The following ARFGEF3 variants were observed in gnomAD, a reference collection of about 807,000 sequenced individuals.
ARFGEF3 encodes the protein ARFGEF family member 3, also known as brefeldin A-inhibited guanine nucleotide-exchange protein 3.
A neutral mutation model predicts 221.7 loss-of-function variants in ARFGEF3; 96 were observed. The observed-to-expected ratio is 0.43, with a 90% CI of 0.37 to 0.51. ARFGEF3 has a LOEUF of 0.51. Ranked by LOEUF, ARFGEF3 falls within the 20% of genes least tolerant of loss-of-function variation. ARFGEF3 has a pLI of 0.00. For synonymous variants in ARFGEF3, 1,145 were observed against 1,126.8 expected (o/e 1.02, Z -0.32); for missense variants, 2,410 against 2,789.9 (o/e 0.86, Z 3.07).
At chr6:138,204,453 T>C (rs1017336531) in intron 2 of ARFGEF3, among the ~76,000 whole-genome samples, 5 of 151,780 alleles carry the variant, frequency 3.3e-5, no homozygotes, top group African/African-American at 1.2e-4. Flanking sequence ...AGCCTGTAGG[T>C]CAAATCTGGC....
chr6:138,198,019 TTA>T (rs1777463455), intron 2 of ARFGEF3, among the ~76,000 whole-genome samples: 1 of 152,218 alleles, frequency 6.6e-6, no homozygotes, highest in African/African-American at 2.4e-5. Context: ...TGGTGTATAT[TTA>T]TGTTTGTTTT....
chr6:138,305,172 C>T (rs1404162265), intron 22 of ARFGEF3, among the ~76,000 whole-genome samples: 2 of 151,804 alleles, frequency 1.3e-5, no homozygotes, highest in Non-Finnish European at 2.9e-5. Context: ...TACTCAAGCT[C>T]TACCAGAAAA....
At chr6:138,198,548 G>T (rs376904227) in intron 2 of ARFGEF3, among the ~76,000 whole-genome samples, 32 of 152,230 alleles carry the variant, frequency 2.1e-4, no homozygotes, top group African/African-American at 7.5e-4. Context: ...AAATGTAAAG[G>T]ACCCATATTC....
chr6:138,279,936 A>G, intron 13 of ARFGEF3, 63 bp from the exon 14 acceptor site: 5 of 1,532,440 alleles, frequency 3.3e-6, no homozygotes, highest in South Asian at 1.1e-5. Flanking sequence ...CAGCAGAGGC[A>G]CTTAGGAGCC....
chr6:138,257,904 A>T (rs1778715449), intron 10 of ARFGEF3, among the ~76,000 whole-genome samples: 1 of 152,226 alleles, frequency 6.6e-6, no homozygotes, highest in South Asian at 2.1e-4. Flanking sequence ...TGTAAATATC[A>T]AGTGCTAAAC....
intron 31 of ARFGEF3, among the ~76,000 whole-genome samples, chr6:138,325,669 C>T (rs372717841): frequency 1.2e-4 from 19 of 152,314 alleles, no homozygotes; most frequent in African/African-American, 4.6e-4. Context: ...GCAGTTGTTA[C>T]GTCTGGCTAA....
chr6:138,180,510 C>A (rs141429314), intron 2 of ARFGEF3, among the ~76,000 whole-genome samples: 12 of 152,292 alleles, frequency 7.9e-5, no homozygotes, highest in Non-Finnish European at 5.9e-5. Context: ...CTATAGCTGA[C>A]TTCTCTTTGC....
chr6:138,243,042 A>G (rs979153313), intron 7 of ARFGEF3, 48 bp downstream of exon 7: 2 of 1,451,610 alleles, frequency 1.4e-6, no homozygotes, highest in Non-Finnish European at 1.9e-6. Context: ...CAGGTGTGAG[A>G]ATGCCTACTG....
chr6:138,191,133 C>G (rs944794089), intron 2 of ARFGEF3, among the ~76,000 whole-genome samples: 2 of 152,110 alleles, frequency 1.3e-5, no homozygotes, highest in Non-Finnish European at 2.9e-5. Flanking sequence ...TAGCTCACAT[C>G]ACTTCTCATC....
chr6:138,176,162 G>A (rs1482684112), intron 2 of ARFGEF3, among the ~76,000 whole-genome samples: 2 of 149,904 alleles, frequency 1.3e-5, no homozygotes, highest in Non-Finnish European at 3.0e-5. Context: ...CTTATAAGCA[G>A]CGTATAGTTG....
chr6:138,164,399 T>TA (rs1310928003), intron 1 of ARFGEF3, among the ~76,000 whole-genome samples: 9 of 152,242 alleles, frequency 5.9e-5, no homozygotes, highest in African/African-American at 2.2e-4. Context: ...TTGCTCTTGC[T>TA]AGTCCTTCTG....
chr6:138,313,030 C>G (rs372392777), intron 25 of ARFGEF3, among the ~76,000 whole-genome samples: 5 of 152,248 alleles, frequency 3.3e-5, no homozygotes, highest in African/African-American at 9.6e-5. Flanking sequence ...CTAGTACCAC[C>G]TGTTTAGTTT....
chr6:138,274,654 G>A (rs1779063286), intron 12 of ARFGEF3, among the ~76,000 whole-genome samples: 1 of 152,026 alleles, frequency 6.6e-6, no homozygotes, highest in South Asian at 2.1e-4. Flanking sequence ...AATTAGCCAG[G>A]CATGGTGGTG....
At chr6:138,235,018 A>G (rs1778259290) in intron 5 of ARFGEF3, among the ~76,000 whole-genome samples, 1 of 152,186 alleles carries the variant, frequency 6.6e-6, no homozygotes, top group African/African-American at 2.4e-5. Flanking sequence ...ATATTGAAAA[A>G]TATATGTATA....
chr6:138,313,901 G>A lies in ARFGEF3; in HGVS notation c.4307G>A (p.Gly1436Glu). 1 of 1,613,926 alleles carries A rather than the reference G, an allele frequency of 6.2e-7. No homozygotes were observed. The highest frequency in any genetic ancestry group is 1.1e-5 in the South Asian group (1 of 91,040). Reference sequence around the variant, plus strand: ...GAACAGTCAGCCAGCAGTGAGGATGGAATTGAATCAGTCCTGTCTGATTTT... The same window carrying A: ...GAACAGTCAGCCAGCAGTGAGGATGAAATTGAATCAGTCCTGTCTGATTTT... Reference protein sequence around the residue: ...LQEQSASSEDGIESVLSDFDD... With the variant: ...LQEQSASSEDEIESVLSDFDD... The change falls in exon 26 of 34, where the codon GGA becomes GAA. Residue 1436 changes from glycine to glutamate, a missense_variant. Coordinates refer to ENST00000251691, the MANE Select transcript of ARFGEF3 (RefSeq NM_020340.5).
intron 1 of ARFGEF3, among the ~76,000 whole-genome samples, chr6:138,165,270 T>C (rs1776702231): frequency 6.8e-6 from 1 of 148,092 alleles, no homozygotes; most frequent in Non-Finnish European, 1.5e-5. Context: ...GAGACCCTCA[T>C]GGGAGAGAGA....
intron 31 of ARFGEF3, among the ~76,000 whole-genome samples, chr6:138,327,275 G>C (rs1478957140): frequency 2.0e-5 from 3 of 151,966 alleles, no homozygotes; most frequent in Non-Finnish European, 4.4e-5. Context: ...GAAAAAGAAA[G>C]GAAAAAATTT....
intron 11 of ARFGEF3, among the ~76,000 whole-genome samples, chr6:138,262,125 G>A (rs1345404457): frequency 4.0e-5 from 6 of 151,694 alleles, no homozygotes; most frequent in African/African-American, 1.5e-4. Flanking sequence ...TACTCATCAG[G>A]AGCTTCTATT....
intron 4 of ARFGEF3, chr6:138,216,583 C>T (rs1562356820): frequency 6.6e-6 from 1 of 152,152 alleles, no homozygotes; most frequent in Non-Finnish European, 1.5e-5. Context: ...TTTTGATGTT[C>T]TTAACTCGGG....
Sources: allele counts gnomAD v4.1 joint callset (sites outside exome capture counted in the v4.1 genomes callset), GRCh38; gene constraint gnomAD v4.1.1; transcripts MANE v1.5; gene names NCBI Gene and HGNC (gene_info 2026-07-23, HGNC 2026-07-21).